OPCML: variants seen among roughly 807,000 people sequenced by gnomAD.
OPCML encodes the protein opioid binding protein/cell adhesion molecule like.
A neutral mutation model predicts 37.8 loss-of-function variants in OPCML; 13 were observed. The observed-to-expected ratio is 0.34, with a 90% CI of 0.22 to 0.55. The LOEUF (loss-of-function observed/expected upper bound fraction) is 0.55. OPCML is among the 20% of genes least tolerant of loss of function. OPCML has a pLI of 0.91. For missense variants in OPCML, 341 were observed against 435.6 expected (o/e 0.78, Z 1.93); for synonymous variants, 176 against 168.8 (o/e 1.04, Z -0.33).
At chr11:133,007,474 A>C in intron 1 of OPCML, 3 of 985,392 alleles carry the variant, frequency 3.0e-6, no homozygotes, top group Non-Finnish European at 3.6e-6. Context: ...TGATTATTCT[A>C]TTAATTTGTT....
At chr11:132,480,333 G>A (rs2096175038) in intron 4 of OPCML, among the ~76,000 whole-genome samples, 1 of 152,158 alleles carries the variant, frequency 6.6e-6, no homozygotes, top group East Asian at 1.9e-4. Flanking sequence ...AGAATAAAAA[G>A]AAACGAGTAA....
intron 1 of OPCML, among the ~76,000 whole-genome samples, chr11:133,302,967 A>T (rs1345248414): frequency 6.6e-6 from 1 of 152,188 alleles, no homozygotes; most frequent in African/African-American, 2.4e-5. Context: ...TTAATTTGAC[A>T]ACATACTAAA....
At chr11:133,351,210 G>C (rs1944129750) in intron 1 of OPCML, among the ~76,000 whole-genome samples, 1 of 152,152 alleles carries the variant, frequency 6.6e-6, no homozygotes. Context: ...CTGGGGCTAA[G>C]TGTAATTAGG....
chr11:133,227,387 A>G (rs540630407), intron 1 of OPCML, among the ~76,000 whole-genome samples: 1 of 152,288 alleles, frequency 6.6e-6, no homozygotes, highest in African/African-American at 2.4e-5. Context: ...AAATTCATAA[A>G]TGTGTCTATT....
At chr11:133,161,009 G>T (rs930810599) in intron 1 of OPCML, among the ~76,000 whole-genome samples, 1 of 152,222 alleles carries the variant, frequency 6.6e-6, no homozygotes, top group African/African-American at 2.4e-5. Flanking sequence ...AAATCAGGCA[G>T]CAGGCCTGGT....
rs1453832018 is a variant in OPCML at position 132,415,814 on chromosome 11, T to A, written c.*4379A>T. On this transcript the variant is annotated 3_prime_UTR_variant, in exon 8 of 8. Transcript: ENST00000524381. ...CATCTTTAATTACAAATCTATTTCTTCTTCCTTTCATTTACTTCTCTTCTC... is the reference window on the plus strand; with the variant it reads ...CATCTTTAATTACAAATCTATTTCTACTTCCTTTCATTTACTTCTCTTCTC... 1.3e-5 allele frequency: 2 copies of A among 152,660 alleles called. No homozygotes were observed. The highest frequency in any genetic ancestry group is 2.9e-5 in the Non-Finnish European group (2 of 68,054). 9.5% of individuals were successfully genotyped at this position (152,660 alleles called of 1,614,324 possible).
At chr11:133,274,622 G>T (rs1039314163) in intron 1 of OPCML, among the ~76,000 whole-genome samples, 3 of 152,138 alleles carry the variant, frequency 2.0e-5, no homozygotes, top group Admixed American at 6.5e-5. Context: ...TTTGTTATGG[G>T]AGCCCTGGGA....
chr11:132,505,935 C>A (rs916219926), intron 4 of OPCML, among the ~76,000 whole-genome samples: 4 of 151,874 alleles, frequency 2.6e-5, no homozygotes, highest in Admixed American at 2.6e-4. Context: ...AGACTTACTG[C>A]ATATTAGGAG....
intron 2 of OPCML, among the ~76,000 whole-genome samples, chr11:132,740,311 G>A (rs1280023276): frequency 6.6e-6 from 1 of 152,188 alleles, no homozygotes; most frequent in African/African-American, 2.4e-5. Context: ...GGAAGACCAG[G>A]CAAGCTTGGT....
chr11:132,861,645 G>A (rs932674997), intron 2 of OPCML, among the ~76,000 whole-genome samples: 7 of 151,998 alleles, frequency 4.6e-5, no homozygotes, highest in Non-Finnish European at 1.0e-4. Flanking sequence ...GACCATCCTG[G>A]CTAACACGGT....
At chr11:133,496,591 G>T (rs1033272408) in intron 1 of OPCML, among the ~76,000 whole-genome samples, 1 of 152,076 alleles carries the variant, frequency 6.6e-6, no homozygotes, top group African/African-American at 2.4e-5. Flanking sequence ...TTGTTTTGTA[G>T]TTTTCCTTGT....
At chr11:132,583,863 C>T (rs898792498) in intron 3 of OPCML, among the ~76,000 whole-genome samples, 1 of 152,190 alleles carries the variant, frequency 6.6e-6, no homozygotes. Flanking sequence ...ATCCGCTCAC[C>T]TCGGCCTCCC....
chr11:133,249,631 CACT>C (rs1262022035), intron 1 of OPCML, among the ~76,000 whole-genome samples: 1 of 152,074 alleles, frequency 6.6e-6, no homozygotes, highest in East Asian at 1.9e-4. Flanking sequence ...CTGGTGATGC[CACT>C]ACCCATTTCT....
At chr11:133,275,133 G>A (rs1286596975) in intron 1 of OPCML, among the ~76,000 whole-genome samples, 2 of 152,152 alleles carry the variant, frequency 1.3e-5, no homozygotes, top group Non-Finnish European at 1.5e-5. Flanking sequence ...GGGAGGCTGG[G>A]TAAATATTGG....
Position 133,141,000 on chromosome 11 carries a change from C to CGAAGACGAAGACGAAGACGAA in OPCML, c.62-197991_62-197990insTTCGTCTTCGTCTTCGTCTTC, listed in dbSNP as rs1218067845. On this transcript the variant is annotated intron_variant, in intron 1 of 7. Coordinates refer to ENST00000524381, the MANE Select transcript of OPCML (RefSeq NM_001012393.5). ...AAGAAGAAGAAGAAGAAGAAGAAGA[C>CGAAGACGAAGACGAAGACGAA]GACGACGACGACGACGACGACGACG... Among the ~76,000 whole-genome samples the CGAAGACGAAGACGAAGACGAA allele has an allele frequency of 9.1e-4, 4 of 4,404 alleles. 2 individuals are homozygous for CGAAGACGAAGACGAAGACGAA. Among genetic ancestry groups the CGAAGACGAAGACGAAGACGAA allele is most frequent in the African/African-American group, 1.7e-3 (4 of 2,398 alleles). 2.9% of individuals were successfully genotyped at this position (4,404 alleles called of 152,430 possible).
intron 1 of OPCML, among the ~76,000 whole-genome samples, chr11:133,362,440 C>T (rs1407332797): frequency 1.3e-5 from 2 of 152,172 alleles, no homozygotes; most frequent in African/African-American, 4.8e-5. Context: ...AGCCCATCCA[C>T]CACCCAGGGA....
intron 2 of OPCML, among the ~76,000 whole-genome samples, chr11:132,811,786 C>T (rs1939358667): frequency 6.6e-6 from 1 of 152,132 alleles, no homozygotes; most frequent in Non-Finnish European, 1.5e-5. Context: ...AACGCAGAAA[C>T]AGCAACACAA....
At chr11:132,994,211 G>C (rs1946835603) in intron 1 of OPCML, among the ~76,000 whole-genome samples, 1 of 152,358 alleles carries the variant, frequency 6.6e-6, no homozygotes, top group African/African-American at 2.4e-5. Flanking sequence ...CGCCGCAGCG[G>C]CTGGTGCGCT....
chr11:133,468,317 G>T (rs1257196616), intron 1 of OPCML, among the ~76,000 whole-genome samples: 1 of 152,180 alleles, frequency 6.6e-6, no homozygotes, highest in East Asian at 1.9e-4. Context: ...TTTTCCTATA[G>T]GTGAAGAAAG....
Sources: gnomAD v4.1 joint callset for allele counts (sites outside exome capture counted in the v4.1 genomes callset) on GRCh38, gnomAD v4.1.1 for gene constraint, MANE v1.5 for transcripts, NCBI Gene and HGNC (gene_info 2026-07-23, HGNC 2026-07-21) for gene names.